Variants in KDM4C observed in about 807,000 individuals in gnomAD.
KDM4C encodes lysine demethylase 4C.
Under a neutral mutation model 129.3 loss-of-function variants are expected in KDM4C, and 81 were observed. That is an observed-to-expected ratio of 0.63 (90% CI 0.52 to 0.75). The LOEUF is 0.75. Among genes scored for constraint, KDM4C ranks in the 30% least tolerant of loss-of-function variants. The pLI, the probability that KDM4C is intolerant of heterozygous loss-of-function variation, is 0.00. For synonymous variants in KDM4C, 573 were observed against 456.1 expected, an observed-to-expected ratio of 1.26 and a Z score of -3.26; for missense variants, 1,457 against 1,304.0, an observed-to-expected ratio of 1.12 and a Z score of -1.81.
intron 4 of KDM4C, among the ~76,000 whole-genome samples, chr9:6,819,612 T>C (rs1379506514): frequency 6.6e-6 from 1 of 152,162 alleles, no homozygotes; most frequent in Non-Finnish European, 1.5e-5. Context: ...CTGCTTCTGG[T>C]AAACAAAACC....
chr9:6,756,380 C>T (rs1588074082), upstream of KDM4C, among the ~76,000 whole-genome samples: 1 of 152,182 alleles, frequency 6.6e-6, no homozygotes, highest in Admixed American at 6.5e-5. Flanking sequence ...GTTACATGCA[C>T]ACATTTGGAA....
chr9:6,939,884 A>T (rs1262915017), intron 8 of KDM4C, among the ~76,000 whole-genome samples: 1 of 152,108 alleles, frequency 6.6e-6, no homozygotes, highest in Non-Finnish European at 1.5e-5. Flanking sequence ...TAAGTAAAAA[A>T]CGTTGGCTTT....
chr9:6,828,637 G>A (rs1243984824), intron 4 of KDM4C, among the ~76,000 whole-genome samples: 1 of 139,618 alleles, frequency 7.2e-6, no homozygotes, highest in East Asian at 1.9e-4. Context: ...TTGGGAGGCT[G>A]AGGTGGGTGG....
At position 6,990,433 on chromosome 9, in the gene KDM4C, C is replaced by A; in HGVS notation, c.1695C>A (p.Asn565Lys). 3 of 1,610,840 alleles carry A rather than the reference C, an allele frequency of 1.9e-6. No individual in the cohort carries two copies. Among genetic ancestry groups the A allele is most frequent in the Non-Finnish European group, 2.5e-6 (3 of 1,178,800 alleles). Residue 565 changes from asparagine to lysine, a missense_variant, in exon 12 of 22, where the codon AAC becomes AAA. Physicochemically the swap from Asn to Lys is moderately conservative, Grantham distance 94 (BLOSUM62 0). Transcript: ENST00000381309. ...ATAACTAGATAGCAGAGGGAGAGAA[C>A]AAAACCTCTAAGAGTTGGCGCCATC... is the stretch of plus-strand genomic sequence containing the variant. Reference protein sequence around the residue: ...FKVPSIAEGENKTSKSWRHPL... With the variant: ...FKVPSIAEGEKKTSKSWRHPL...
At chr9:6,995,887 G>A (rs1029063917) in intron 12 of KDM4C, among the ~76,000 whole-genome samples, 2 of 134,340 alleles carry the variant, frequency 1.5e-5, no homozygotes, top group Non-Finnish European at 3.4e-5. Context: ...TAGCCAGGAT[G>A]GTCTCGATCT....
At chr9:6,971,399 AT>A (rs1377528353) in intron 8 of KDM4C, among the ~76,000 whole-genome samples, 1 of 152,204 alleles carries the variant, frequency 6.6e-6, no homozygotes, top group African/African-American at 2.4e-5. Flanking sequence ...TTAAAACTGC[AT>A]TTATTATGTA....
At chr9:7,038,315 C>T (rs16925172) in intron 15 of KDM4C, among the ~76,000 whole-genome samples, 1 of 151,920 alleles carries the variant, frequency 6.6e-6, no homozygotes, top group East Asian at 1.9e-4. Flanking sequence ...TCATTTTTTA[C>T]AGAAAACTAC....
At chr9:7,074,820 C>T (rs1396089001) in intron 17 of KDM4C, among the ~76,000 whole-genome samples, 3 of 152,116 alleles carry the variant, frequency 2.0e-5, no homozygotes, top group Non-Finnish European at 4.4e-5. Context: ...ACCCATCCAG[C>T]ATGGACATGC....
At chr9:7,010,230 A>G (rs1361638287) in intron 12 of KDM4C, among the ~76,000 whole-genome samples, 6 of 152,326 alleles carry the variant, frequency 3.9e-5, no homozygotes, top group Non-Finnish European at 7.4e-5. Context: ...CATTGCAAAT[A>G]TAGGCAAAGA....
chr9:6,810,088 A>G (rs1830865672), intron 3 of KDM4C, among the ~76,000 whole-genome samples: 1 of 152,234 alleles, frequency 6.6e-6, no homozygotes, highest in Non-Finnish European at 1.5e-5. Flanking sequence ...TATTATTAAG[A>G]CTTGAGCCTT....
At chr9:6,812,857 C>A (rs1467815539) in intron 3 of KDM4C, among the ~76,000 whole-genome samples, 1 of 152,212 alleles carries the variant, frequency 6.6e-6, no homozygotes, top group Admixed American at 6.5e-5. Context: ...ATTAATAGTG[C>A]TTTCATGCTA....
chr9:6,729,203 C>T (rs1220607291), intron 1 of KDM4C, among the ~76,000 whole-genome samples: 1 of 12,680 alleles, frequency 7.9e-5, no homozygotes, highest in Non-Finnish European at 1.2e-4. Context: ...AGCTCCGTCT[C>T]CAAAAAAAAA....
chr9:6,856,773 C>T (rs1311140485), intron 5 of KDM4C, among the ~76,000 whole-genome samples: 4 of 125,426 alleles, frequency 3.2e-5, no homozygotes, highest in African/African-American at 9.2e-5. Flanking sequence ...TTTTTTGAGA[C>T]GGAGTCTCGC....
chr9:7,168,925 G>T (rs1030379942), intron 20 of KDM4C, among the ~76,000 whole-genome samples: 4 of 151,960 alleles, frequency 2.6e-5, no homozygotes, highest in Non-Finnish European at 4.4e-5. Context: ...CACAGCTATG[G>T]TTCCAGCTTC....
intron 1 of KDM4C, among the ~76,000 whole-genome samples, chr9:6,771,659 G>C (rs1371828682): frequency 1.3e-5 from 2 of 152,216 alleles, no homozygotes; most frequent in African/African-American, 2.4e-5. Context: ...CTAAGGATGA[G>C]TAGTCTCCAT....
chr9:7,073,448 A>T (rs1471576453), intron 17 of KDM4C, among the ~76,000 whole-genome samples: 1 of 152,190 alleles, frequency 6.6e-6, no homozygotes, highest in Non-Finnish European at 1.5e-5. Flanking sequence ...TGGACTCCTG[A>T]CCCAACTCCC....
intron 1 of KDM4C, chr9:6,749,101 C>G: frequency 4.5e-6 from 2 of 440,050 alleles, no homozygotes; most frequent in South Asian, 4.2e-5. Context: ...CTTCCTGCAA[C>G]CTCTGCCTCC....
At chr9:7,076,535 C>T (rs1002453700) in intron 17 of KDM4C, 261 of 1,537,736 alleles carry the variant, frequency 1.7e-4, no homozygotes, top group African/African-American at 2.1e-4. Context: ...ACATCCCCTC[C>T]GCCACTGTTT....
At chr9:6,843,574 A>G (rs10119053) in intron 4 of KDM4C, among the ~76,000 whole-genome samples, 84,462 of 152,006 alleles carry the variant, frequency 0.56, 24,660 homozygotes, top group African/African-American at 0.74. Context: ...TTGTGGCCCA[A>G]TTTGCAGCAC....
Sources: allele counts gnomAD v4.1 joint callset (sites outside exome capture counted in the v4.1 genomes callset), GRCh38; gene constraint gnomAD v4.1.1; transcripts MANE v1.5; gene names NCBI Gene and HGNC (gene_info 2026-07-23, HGNC 2026-07-21).